The following ZBTB20 variants were observed in gnomAD, a reference collection of about 807,000 sequenced individuals.
ZBTB20 encodes zinc finger and BTB domain-containing protein 20.
ZBTB20 carries 9 observed loss-of-function variants against 56.9 expected under a neutral mutation model. That is an observed-to-expected ratio of 0.16 (90% CI 0.10 to 0.28). The LOEUF (loss-of-function observed/expected upper bound fraction) is 0.28, where lower values mean the gene tolerates loss of function less well. ZBTB20 is among the 10% of genes least tolerant of loss of function. The pLI, the probability that ZBTB20 is intolerant of heterozygous loss-of-function variation, is 1.00. For missense variants in ZBTB20, 655 were observed against 1,003.0 expected (o/e 0.65, Z 4.69); for synonymous variants, 417 against 420.7 (o/e 0.99, Z 0.11).
intron 6 of ZBTB20, among the ~76,000 whole-genome samples, chr3:114,592,830 T>A (rs2055913937): frequency 6.6e-6 from 1 of 152,182 alleles, no homozygotes; most frequent in Non-Finnish European, 1.5e-5. Context: ...TCTATAAAAA[T>A]CTATATTATA....
intron 4 of ZBTB20, among the ~76,000 whole-genome samples, chr3:114,848,741 C>G (rs1004239200): frequency 1.3e-5 from 2 of 152,194 alleles, no homozygotes; most frequent in African/African-American, 4.8e-5. Context: ...CTTATGCTGT[C>G]CTGCACGCTT....
Position 115,142,884 on chromosome 3 carries a change from C to T in ZBTB20, c.-703+4335G>A, listed in dbSNP as rs181504388. On this transcript the variant is annotated intron_variant, in intron 1 of 11. Coordinates refer to ENST00000675478, the MANE Select transcript of ZBTB20 (RefSeq NM_001348800.3). ...AATAGAGATCTAATGTAGGTATAAG[C>T]GTGACAAACCCTCCACGGCACAGGA... Among the ~76,000 whole-genome samples the T allele has an allele frequency of 3.1e-3, 473 of 152,086 alleles. 1 individual carries two copies. The highest frequency in any genetic ancestry group is 0.011 in the African/African-American group (449 of 41,462).
intron 6 of ZBTB20, among the ~76,000 whole-genome samples, chr3:114,680,680 GT>G (rs1184016573): frequency 6.6e-6 from 1 of 152,242 alleles, no homozygotes; most frequent in East Asian, 1.9e-4. Context: ...AATGTTTTCT[GT>G]TAATTTGAAT....
chr3:114,738,531 T>G (rs2066350574), intron 5 of ZBTB20, among the ~76,000 whole-genome samples: 1 of 152,182 alleles, frequency 6.6e-6, no homozygotes, highest in Admixed American at 6.6e-5. Context: ...CCCTTATAGA[T>G]TCAAGGGTTT....
At chr3:114,774,250 C>A (rs1487051026) in intron 5 of ZBTB20, among the ~76,000 whole-genome samples, 1 of 151,976 alleles carries the variant, frequency 6.6e-6, no homozygotes, top group African/African-American at 2.4e-5. Flanking sequence ...GGGAACAAAC[C>A]AATATAATGA....
At chr3:114,553,061 A>T (rs1403455121) in intron 6 of ZBTB20, among the ~76,000 whole-genome samples, 1 of 152,200 alleles carries the variant, frequency 6.6e-6, no homozygotes, top group Non-Finnish European at 1.5e-5. Context: ...CAGTTATATG[A>T]TGTTTTGCCA....
intron 6 of ZBTB20, among the ~76,000 whole-genome samples, chr3:114,594,624 A>G (rs949937794): frequency 6.6e-6 from 1 of 152,212 alleles, no homozygotes; most frequent in African/African-American, 2.4e-5. Context: ...AGCATAAAAC[A>G]AACAGTATAT....
intron 4 of ZBTB20, among the ~76,000 whole-genome samples, chr3:114,803,824 C>G (rs2071898489): frequency 1.2e-5 from 1 of 82,108 alleles, no homozygotes; most frequent in East Asian, 8.3e-4. Flanking sequence ...GTACACTGAA[C>G]CCACCTTTAA....
At chr3:114,727,716 A>G (rs2065414641) in intron 5 of ZBTB20, among the ~76,000 whole-genome samples, 1 of 152,226 alleles carries the variant, frequency 6.6e-6, no homozygotes, top group Non-Finnish European at 1.5e-5. Flanking sequence ...ATCTTTGTGA[A>G]AAAAGGTCAA....
At chr3:114,426,752 CTG>C (rs1294855051) in intron 7 of ZBTB20, among the ~76,000 whole-genome samples, 1 of 152,152 alleles carries the variant, frequency 6.6e-6, no homozygotes, top group Non-Finnish European at 1.5e-5. Flanking sequence ...TACCAGCCAA[CTG>C]TTAACCCTCT....
chr3:114,721,581 T>G (rs1477393296), intron 5 of ZBTB20, among the ~76,000 whole-genome samples: 1 of 152,170 alleles, frequency 6.6e-6, no homozygotes, highest in Non-Finnish European at 1.5e-5. Flanking sequence ...GTAACTTTAT[T>G]GTTTCCATTT....
intron 7 of ZBTB20, among the ~76,000 whole-genome samples, chr3:114,460,225 G>A (rs2092263976): frequency 6.6e-6 from 1 of 152,048 alleles, no homozygotes; most frequent in African/African-American, 2.4e-5. Flanking sequence ...TGCTGATAAA[G>A]GGGTACAATA....
intron 7 of ZBTB20, among the ~76,000 whole-genome samples, chr3:114,400,014 GCTAATGAGTAGTAGAA>G (rs887815774): frequency 1.3e-5 from 2 of 152,142 alleles, no homozygotes; most frequent in Non-Finnish European, 2.9e-5. Context: ...AAGCGGGCTA[GCTAATGAGTAGTAGAA>G]CTTAATCTAA....
intron 4 of ZBTB20, among the ~76,000 whole-genome samples, chr3:114,897,686 C>T (rs2074940873): frequency 1.3e-5 from 2 of 152,104 alleles, no homozygotes; most frequent in Non-Finnish European, 2.9e-5. Flanking sequence ...ATCTACCACA[C>T]TAAGATTCAC....
intron 5 of ZBTB20, among the ~76,000 whole-genome samples, chr3:114,694,142 G>C (rs1290237588): frequency 6.6e-6 from 1 of 152,010 alleles, no homozygotes; most frequent in African/African-American, 2.4e-5. Flanking sequence ...ATAAATAAAT[G>C]TATAATATTA....
intron 6 of ZBTB20, among the ~76,000 whole-genome samples, chr3:114,620,377 C>T (rs1292062345): frequency 6.6e-6 from 1 of 152,070 alleles, no homozygotes; most frequent in Non-Finnish European, 1.5e-5. Flanking sequence ...ACTGCAATCT[C>T]CACCTCCTAG....
intron 4 of ZBTB20, among the ~76,000 whole-genome samples, chr3:114,841,335 G>A (rs139419950): frequency 1.6e-4 from 25 of 152,232 alleles, no homozygotes; most frequent in Non-Finnish European, 3.1e-4. Flanking sequence ...CATATGCAAA[G>A]ACCAGAAATG....
intron 6 of ZBTB20, among the ~76,000 whole-genome samples, chr3:114,594,808 G>A (rs981692701): frequency 6.6e-6 from 1 of 152,114 alleles, no homozygotes; most frequent in Non-Finnish European, 1.5e-5. Flanking sequence ...TTTTGGCCGT[G>A]TAAAAAATTA....
chr3:114,930,797 A>G (rs2076330270), intron 3 of ZBTB20: 1 of 295,798 alleles, frequency 3.4e-6, no homozygotes, highest in Non-Finnish European at 6.8e-6. Context: ...CCCAGGAAGT[A>G]CCTTAGCAGT....
Sources: gnomAD v4.1 joint callset for allele counts (sites outside exome capture counted in the v4.1 genomes callset) on GRCh38, gnomAD v4.1.1 for gene constraint, MANE v1.5 for transcripts, NCBI Gene and HGNC (gene_info 2026-07-23, HGNC 2026-07-21) for gene names.